GABRA2: variants seen among roughly 807,000 people sequenced by gnomAD.
GABRA2 encodes gamma-aminobutyric acid type A receptor subunit alpha2.
GABRA2 carries 16 observed loss-of-function variants against 48.7 expected under a neutral mutation model. That is an observed-to-expected ratio of 0.33 (90% CI 0.22 to 0.50). GABRA2 has a LOEUF of 0.50. Among genes scored for constraint, GABRA2 ranks in the 20% least tolerant of loss-of-function variants. GABRA2 has a pLI of 0.98. For synonymous variants in GABRA2, 185 were observed against 184.5 expected (o/e 1.00, Z -0.02); for missense variants, 275 against 535.6 (o/e 0.51, Z 4.80).
In GABRA2 at chr4:46,250,311, A is replaced by G. The variant is rs750960547; in HGVS notation, c.1353T>C (p.Pro451=). ...LNREPVLGVS[P] is the part of the protein sequence containing the mutation. Reference sequence around the variant, plus strand: ...CAAAGATAACATGGGTCTCAATTCAAGGACTGACCCCTAATACAGGTTCTC... The same window carrying G: ...CAAAGATAACATGGGTCTCAATTCAGGGACTGACCCCTAATACAGGTTCTC... The change falls in exon 10 of 10, where the codon CCT becomes CCC. Residue 451 remains proline (P), a synonymous_variant. Transcript: ENST00000381620. The G allele has an allele frequency of 6.2e-7, 1 of 1,607,306 alleles. No homozygotes were observed. Among genetic ancestry groups the G allele is most frequent in the Non-Finnish European group, 8.5e-7 (1 of 1,176,264 alleles).
At chr4:46,372,899 G>A (rs1560595945) in intron 3 of GABRA2, among the ~76,000 whole-genome samples, 1 of 152,300 alleles carries the variant, frequency 6.6e-6, no homozygotes, top group East Asian at 1.9e-4. Flanking sequence ...GGGATTTGAT[G>A]AAGAGACATC....
intron 8 of GABRA2, among the ~76,000 whole-genome samples, chr4:46,298,069 G>A (rs1356411014): frequency 6.6e-6 from 1 of 151,948 alleles, no homozygotes; most frequent in Non-Finnish European, 1.5e-5. Flanking sequence ...GTTATTTCTA[G>A]CTTTATTCCA....
At position 46,384,131 on chromosome 4, in the gene GABRA2, C is replaced by G. The variant is rs1717128616; in HGVS notation, c.187+1943G>C. On this transcript the variant is annotated intron_variant, in intron 3 of 9. Coordinates refer to ENST00000381620, the MANE Select transcript of GABRA2 (RefSeq NM_000807.4). The stretch of plus-strand genomic sequence containing the variant: ...GGCACAGCTTTGTGTGTGGATGGAG[C>G]AGAATTCCAGTCTAGACCTGTCTGC... Among the ~76,000 whole-genome samples, 5 of 152,092 alleles carry G rather than the reference C, an allele frequency of 3.3e-5. No homozygotes were observed. In the South Asian group the frequency reaches 1.0e-3, roughly 32 times the overall value.
chr4:46,376,756 C>CTCTCCCTCTCCCTCTCCCCACGG (rs1307145630), intron 3 of GABRA2, among the ~76,000 whole-genome samples: 15 of 151,168 alleles, frequency 9.9e-5, no homozygotes, highest in Non-Finnish European at 7.4e-5. Flanking sequence ...CTCCCTCTCC[C>CTCTCCCTCTCCCTCTCCCCACGG]TCTCCCTCTC....
At chr4:46,377,182 C>G (rs369285061) in intron 3 of GABRA2, among the ~76,000 whole-genome samples, 2 of 150,208 alleles carry the variant, frequency 1.3e-5, no homozygotes, top group East Asian at 2.0e-4. Context: ...AGGAGCGTCT[C>G]TGCCCGGCCG....
Position 46,390,060 on chromosome 4 carries a change from G to GT in GABRA2, c.-337_-336insA, listed in dbSNP as rs1014282627. 4 of 230,452 alleles carry GT rather than the reference G, an allele frequency of 1.7e-5. No individual in the cohort carries two copies. Among genetic ancestry groups the GT allele is most frequent in the Non-Finnish European group, 2.7e-5 (4 of 146,090 alleles). 14.3% of individuals were successfully genotyped at this position (230,452 alleles called of 1,614,324 possible). Reference sequence around the variant, plus strand: ...ACGATGACAGGAGCTGGGGCCGGGGGGGGAAATTGGGGGGACGCGGGCGGA... The same window carrying GT: ...ACGATGACAGGAGCTGGGGCCGGGGGTGGGAAATTGGGGGGACGCGGGCGGA... On this transcript the variant is annotated 5_prime_UTR_variant, in exon 1 of 10. Coordinates refer to ENST00000381620, the MANE Select transcript of GABRA2 (RefSeq NM_000807.4).
intron 4 of GABRA2, among the ~76,000 whole-genome samples, chr4:46,330,738 A>G (rs993508553): frequency 2.6e-5 from 4 of 151,882 alleles, no homozygotes; most frequent in African/African-American, 9.7e-5. Flanking sequence ...TGGGAGTCTT[A>G]TATCATTTGC....
At chr4:46,276,598 T>C (rs1227741145) in intron 8 of GABRA2, among the ~76,000 whole-genome samples, 1 of 109,458 alleles carries the variant, frequency 9.1e-6, no homozygotes, top group Non-Finnish European at 1.8e-5. Flanking sequence ...GACTTCAGGC[T>C]CAAAAAAAAA....
At chr4:46,345,017 G>A (rs1733906590) in intron 3 of GABRA2, among the ~76,000 whole-genome samples, 1 of 151,862 alleles carries the variant, frequency 6.6e-6, no homozygotes, top group South Asian at 2.1e-4. Flanking sequence ...TGTCAAGGGT[G>A]GGACCTAGTG....
chr4:46,305,154 A>G (rs942690214), intron 7 of GABRA2, among the ~76,000 whole-genome samples: 2 of 150,440 alleles, frequency 1.3e-5, no homozygotes, highest in Non-Finnish European at 3.0e-5. Flanking sequence ...TCAGCAAACT[A>G]TCGCAAGGAC....
intron 8 of GABRA2, among the ~76,000 whole-genome samples, chr4:46,297,144 C>A (rs1052856827): frequency 1.3e-5 from 2 of 151,924 alleles, no homozygotes; most frequent in African/African-American, 4.8e-5. Flanking sequence ...AGTATTGATC[C>A]TGGGTGTGTC....
chr4:46,291,776 C>CACATATATATATATATATATATATAT (rs1553906974), intron 8 of GABRA2, among the ~76,000 whole-genome samples: 20 of 144,794 alleles, frequency 1.4e-4, no homozygotes, highest in African/African-American at 5.1e-4. Flanking sequence ...TAAACACACA[C>CACATATATATATATATATATATATAT]ATATATATAT....
rs531364957 is a variant in GABRA2 at position 46,289,551 on chromosome 4, G to A, written c.856+13909C>T. Among the ~76,000 whole-genome samples, 10 of 152,252 alleles carry A rather than the reference G, an allele frequency of 6.6e-5. No homozygotes were observed. The South Asian group carries it at 1.7e-3, about 25-fold the overall frequency. On this transcript the variant is annotated intron_variant, in intron 8 of 9. Coordinates refer to ENST00000381620, the MANE Select transcript of GABRA2 (RefSeq NM_000807.4). ...CAACACACACTGGGGCCTTTCCAAGGGTAGAGGGTGGGAGGAGGGAGAGGA... is the reference window on the plus strand; with the variant it reads ...CAACACACACTGGGGCCTTTCCAAGAGTAGAGGGTGGGAGGAGGGAGAGGA...
At chr4:46,316,496 A>G (rs1728576891) in intron 4 of GABRA2, among the ~76,000 whole-genome samples, 1 of 152,018 alleles carries the variant, frequency 6.6e-6, no homozygotes, top group Admixed American at 6.6e-5. Context: ...ACTGCCCTAG[A>G]CTAAATCTGT....
At chr4:46,389,214 T>C (rs537080446) in intron 1 of GABRA2, 2 of 988,178 alleles carry the variant, frequency 2.0e-6, no homozygotes, top group Admixed American at 6.0e-5. Context: ...AGCCCACTTT[T>C]GCAATTACTC....
intron 3 of GABRA2, among the ~76,000 whole-genome samples, chr4:46,362,352 C>T (rs1187221912): frequency 1.3e-5 from 2 of 152,106 alleles, no homozygotes; most frequent in Non-Finnish European, 2.9e-5. Flanking sequence ...TGACTTAATC[C>T]TCCTTGTCTT....
rs116033941 is a variant in GABRA2, at chr4:46,290,827, G to A, written c.856+12633C>T. ...CTATGTGACAAATTCCTGATAAAAT[G>A]TGAGTTTTGTGTTTTTTGGCATTTG... On this transcript the variant is annotated intron_variant, in intron 8 of 9. Coordinates refer to ENST00000381620, the MANE Select transcript of GABRA2 (RefSeq NM_000807.4). 2.7e-3 allele frequency among the ~76,000 whole-genome samples: 408 copies of A among 152,202 alleles called. 5 individuals are homozygous for A. The highest frequency in any genetic ancestry group is 9.5e-3 in the African/African-American group (395 of 41,526).
chr4:46,360,263 G>A (rs1188588513), intron 3 of GABRA2, among the ~76,000 whole-genome samples: 7 of 152,134 alleles, frequency 4.6e-5, no homozygotes, highest in Admixed American at 2.0e-4. Flanking sequence ...TTTCCTCACC[G>A]AAATCTCATC....
At chr4:46,303,223 A>G (rs1435452185) in intron 8 of GABRA2, 2 of 484,924 alleles carry the variant, frequency 4.1e-6, no homozygotes, top group South Asian at 3.1e-5. Flanking sequence ...ATGATTTAAC[A>G]GAAAGAAGAC....
Sources: gnomAD v4.1 joint callset for allele counts (sites outside exome capture counted in the v4.1 genomes callset) on GRCh38, gnomAD v4.1.1 for gene constraint, MANE v1.5 for transcripts, NCBI Gene and HGNC (gene_info 2026-07-23, HGNC 2026-07-21) for gene names.